The following RBFOX1 variants were observed in gnomAD, a reference collection of about 807,000 sequenced individuals.
RBFOX1 encodes the protein RNA binding protein fox-1 homolog 1.
Under a neutral mutation model 57.7 loss-of-function variants are expected in RBFOX1, and 8 were observed. That is an observed-to-expected ratio of 0.14 (90% CI 0.08 to 0.25). The LOEUF (loss-of-function observed/expected upper bound fraction) is 0.25, where lower values mean the gene tolerates loss of function less well. Among genes scored for constraint, RBFOX1 ranks in the 10% least tolerant of loss-of-function variants. The pLI, the probability that RBFOX1 is intolerant of heterozygous loss-of-function variation, is 1.00. For missense variants in RBFOX1, 611 were observed against 548.5 expected (o/e 1.11, Z -1.14); for synonymous variants, 326 against 222.4 (o/e 1.47, Z -4.15).
At chr16:7,324,365 C>A (rs1348667226) in intron 4 of RBFOX1, among the ~76,000 whole-genome samples, 1 of 150,958 alleles carries the variant, frequency 6.6e-6, no homozygotes, top group African/African-American at 2.4e-5. Flanking sequence ...TGTCCAGCTC[C>A]TGTAGGGTCC....
At chr16:5,733,916 C>G (rs940721619) in intron 3 of RBFOX1, among the ~76,000 whole-genome samples, 3 of 152,020 alleles carry the variant, frequency 2.0e-5, no homozygotes, top group Non-Finnish European at 4.4e-5. Context: ...TCTGCCCTAC[C>G]CCACCCTTCA....
intron 3 of RBFOX1, among the ~76,000 whole-genome samples, chr16:6,756,581 G>C (rs1176038660): frequency 1.3e-5 from 2 of 152,094 alleles, no homozygotes; most frequent in Non-Finnish European, 2.9e-5. Context: ...CTCATATCCA[G>C]AATATATGAC....
chr16:6,088,182 G>T (rs1209507103), intron 1 of RBFOX1, among the ~76,000 whole-genome samples: 1 of 151,694 alleles, frequency 6.6e-6, no homozygotes, highest in Non-Finnish European at 1.5e-5. Context: ...TACCCTCTTA[G>T]TTACTTTTTT....
intron 4 of RBFOX1, among the ~76,000 whole-genome samples, 174 bp from the exon 5 acceptor site, chr16:7,517,973 T>G (rs2076735921): frequency 6.6e-6 from 1 of 152,064 alleles, no homozygotes; most frequent in Admixed American, 6.6e-5. Flanking sequence ...GGTTACTGTT[T>G]CCTTATAGGG....
chr16:7,453,391 TGG>T (rs1356221680), intron 4 of RBFOX1, among the ~76,000 whole-genome samples: 1 of 151,904 alleles, frequency 6.6e-6, no homozygotes, highest in African/African-American at 2.4e-5. Context: ...CCAAGTCAGG[TGG>T]GGATAAGTAG....
chr16:7,020,083 C>G (rs779792253), intron 3 of RBFOX1, among the ~76,000 whole-genome samples: 1 of 152,022 alleles, frequency 6.6e-6, no homozygotes, highest in Non-Finnish European at 1.5e-5. Flanking sequence ...CTGTAGCCTC[C>G]CCACTTCCAT....
At chr16:6,956,025 A>C (rs1383803857) in intron 3 of RBFOX1, among the ~76,000 whole-genome samples, 2 of 152,132 alleles carry the variant, frequency 1.3e-5, no homozygotes, top group African/African-American at 2.4e-5. Context: ...TTTTGTAATG[A>C]GGGTGAGGAC....
intron 2 of RBFOX1, among the ~76,000 whole-genome samples, chr16:5,579,094 T>TGCCTCA (rs2046572034): frequency 6.6e-6 from 1 of 152,070 alleles, no homozygotes; most frequent in African/African-American, 2.4e-5. Context: ...GTGATCCCAC[T>TGCCTCA]GCCTCAGCCT....
At chr16:7,331,200 A>G (rs944749565) in intron 4 of RBFOX1, among the ~76,000 whole-genome samples, 5 of 152,172 alleles carry the variant, frequency 3.3e-5, no homozygotes, top group Non-Finnish European at 1.5e-5. Flanking sequence ...GGCTATCTGA[A>G]AGTGGAGGAA....
chr16:7,548,885 A>C (rs761384208), intron 5 of RBFOX1, among the ~76,000 whole-genome samples: 10 of 152,220 alleles, frequency 6.6e-5, no homozygotes, highest in Admixed American at 1.3e-4. Context: ...TATGAATGAC[A>C]TAGTCACTAT....
At chr16:5,452,202 T>C (rs968525522) in intron 1 of RBFOX1, among the ~76,000 whole-genome samples, 5 of 146,264 alleles carry the variant, frequency 3.4e-5, no homozygotes, top group Non-Finnish European at 7.5e-5. Flanking sequence ...CACTGCAACC[T>C]CTGCTTCTCG....
At chr16:7,085,865 G>A (rs981835554) in intron 4 of RBFOX1, among the ~76,000 whole-genome samples, 2 of 152,304 alleles carry the variant, frequency 1.3e-5, no homozygotes, top group Middle Eastern at 3.4e-3. Flanking sequence ...CTGCATCCCA[G>A]GAAACCGTTC....
chr16:5,639,803 T>C (rs2048802254), intron 3 of RBFOX1, among the ~76,000 whole-genome samples: 1 of 152,216 alleles, frequency 6.6e-6, no homozygotes, highest in South Asian at 2.1e-4. Flanking sequence ...TCCCCTGGGC[T>C]GGTGTCGCTC....
chr16:6,798,901 GAAA>G (rs956493197), intron 3 of RBFOX1, among the ~76,000 whole-genome samples: 1 of 151,740 alleles, frequency 6.6e-6, no homozygotes, highest in Admixed American at 6.6e-5. Context: ...GAGGTTTAGA[GAAA>G]AAAAATGAAT....
intron 14 of RBFOX1, among the ~76,000 whole-genome samples, chr16:7,700,419 G>T (rs534894137): frequency 1.3e-5 from 2 of 152,284 alleles, no homozygotes; most frequent in East Asian, 1.9e-4. Flanking sequence ...GTAACAGTCA[G>T]TGTTTGACTC....
In RBFOX1 at chr16:6,663,258, A is replaced by T. The variant is rs143374376; in HGVS notation, c.-16+8608A>T. ...GTGTCATGAATGTCTCCACCCAGGA[A>T]CTTGTCACAGACGGCTCAGCTTAAG... On this transcript the variant is annotated intron_variant, in intron 3 of 15. Coordinates refer to ENST00000550418, the MANE Select transcript of RBFOX1 (RefSeq NM_018723.4). Among the ~76,000 whole-genome samples, 244 of 152,264 alleles carry T rather than the reference A, an allele frequency of 1.6e-3. 8 individuals carry two copies. In the East Asian group the frequency reaches 0.04, roughly 25 times the overall value.
chr16:6,427,491 A>G (rs2795543), intron 2 of RBFOX1, among the ~76,000 whole-genome samples: 52,259 of 152,016 alleles, frequency 0.34, 9,778 homozygotes, highest in African/African-American at 0.49. Context: ...AAAGCTTACC[A>G]GTATGAAGCA....
intron 3 of RBFOX1, among the ~76,000 whole-genome samples, chr16:7,033,081 A>C (rs2043226265): frequency 6.6e-6 from 1 of 152,180 alleles, no homozygotes; most frequent in East Asian, 1.9e-4. Flanking sequence ...AAGGAATGCC[A>C]ACTCTCTCCT....
chr16:6,268,847 C>T (rs894615542), intron 1 of RBFOX1, among the ~76,000 whole-genome samples: 1 of 152,130 alleles, frequency 6.6e-6, no homozygotes, highest in Non-Finnish European at 1.5e-5. Context: ...AACAAAATGC[C>T]TAAACAGAAG....
Sources: gnomAD v4.1 joint callset for allele counts (sites outside exome capture counted in the v4.1 genomes callset) on GRCh38, gnomAD v4.1.1 for gene constraint, MANE v1.5 for transcripts, NCBI Gene and HGNC (gene_info 2026-07-23, HGNC 2026-07-21) for gene names.